NCALD: variants seen among roughly 807,000 people sequenced by gnomAD.
NCALD encodes neurocalcin delta.
In NCALD, 10 loss-of-function variants were observed where a neutral mutation model predicts 18.6. That is an observed-to-expected ratio of 0.54 (90% confidence interval 0.33 to 0.91). NCALD has a LOEUF of 0.91. Ranked by LOEUF, NCALD falls within the 40% of genes least tolerant of loss-of-function variation. The pLI is 0.03. For missense variants in NCALD, 184 were observed against 247.6 expected (o/e 0.74, Z 1.72); for synonymous variants, 88 against 87.4 (o/e 1.01, Z -0.04).
intron 2 of NCALD, among the ~76,000 whole-genome samples, chr8:102,005,500 C>T (rs962027470): frequency 2.6e-5 from 4 of 152,094 alleles, no homozygotes; most frequent in Non-Finnish European, 4.4e-5. Flanking sequence ...CTAGAAATAC[C>T]ATTTGACCCA....
intron 4 of NCALD, chr8:101,872,358 A>G (rs1273384624): frequency 6.5e-7 from 1 of 1,529,230 alleles, no homozygotes; most frequent in Non-Finnish European, 9.1e-7. Context: ...CATCCTCCTC[A>G]TTAAACTCGT....
At chr8:102,124,683 T>C (rs1826056781), upstream of NCALD, 1 of 152,458 alleles carries the variant, frequency 6.6e-6, no homozygotes, top group South Asian at 2.1e-4. Context: ...CAAGCTTCGA[T>C]TTGAGGGGGG....
chr8:101,874,645 C>A (rs1388488526), intron 4 of NCALD, among the ~76,000 whole-genome samples: 1 of 152,110 alleles, frequency 6.6e-6, no homozygotes, highest in Non-Finnish European at 1.5e-5. Flanking sequence ...TCAAGTGATC[C>A]TCCTGAACAG....
chr8:101,754,968 C>T (rs1478681242), intron 1 of NCALD, among the ~76,000 whole-genome samples: 1 of 152,224 alleles, frequency 6.6e-6, no homozygotes, highest in African/African-American at 2.4e-5. Flanking sequence ...AAAGAGCGAT[C>T]CAGACAGGTC....
At chr8:101,894,849 T>G (rs866841447) in intron 3 of NCALD, among the ~76,000 whole-genome samples, 1,754 of 140,122 alleles carry the variant, frequency 0.013, 14 homozygotes, top group African/African-American at 0.033. Flanking sequence ...AATAACAGGA[T>G]CTGAAATTGT....
intron 2 of NCALD, among the ~76,000 whole-genome samples, chr8:101,959,962 A>G (rs767391116): frequency 2.6e-5 from 4 of 151,048 alleles, no homozygotes; most frequent in Non-Finnish European, 5.9e-5. Flanking sequence ...TCCTTCCTGA[A>G]CCACCAAAGC....
chr8:101,716,905 G>C (rs950016445), intron 2 of NCALD, among the ~76,000 whole-genome samples: 3 of 152,148 alleles, frequency 2.0e-5, no homozygotes, highest in African/African-American at 7.2e-5. Flanking sequence ...TGGATGAAGA[G>C]GGCCATCGGC....
chr8:101,795,605 C>A (rs1812609969), upstream of NCALD, among the ~76,000 whole-genome samples: 2 of 152,156 alleles, frequency 1.3e-5, no homozygotes, highest in South Asian at 4.2e-4. Context: ...CCCAAAAAGG[C>A]CCACCTCCTA....
chr8:102,074,858 G>A (rs1200574982), intron 1 of NCALD, among the ~76,000 whole-genome samples: 1 of 152,162 alleles, frequency 6.6e-6, no homozygotes, highest in Non-Finnish European at 1.5e-5. Context: ...CCATTCAGCT[G>A]TGACTTTTTA....
At chr8:101,944,183 C>T (rs767008340) in intron 2 of NCALD, among the ~76,000 whole-genome samples, 18 of 152,114 alleles carry the variant, frequency 1.2e-4, no homozygotes, top group East Asian at 3.9e-4. Flanking sequence ...CTGAGGAGTT[C>T]GTCTCCTATC....
intron 1 of NCALD, among the ~76,000 whole-genome samples, chr8:101,783,916 C>G (rs1812116727): frequency 1.3e-5 from 2 of 152,182 alleles, no homozygotes; most frequent in Admixed American, 6.5e-5. Flanking sequence ...TCACAAAAGT[C>G]TATTTAATAA....
intron 4 of NCALD, among the ~76,000 whole-genome samples, chr8:101,814,678 G>C (rs1813427459): frequency 6.6e-6 from 1 of 152,012 alleles, no homozygotes; most frequent in Non-Finnish European, 1.5e-5. Flanking sequence ...ATAAAACTTT[G>C]TTTGCAGGTG....
In NCALD at chr8:102,085,887, A is replaced by G. The variant is rs141121006; in HGVS notation, c.-210+38350T>C. ...AAAGCTAAAACTCAAGTCAATTACC[A>G]TTCATCCAACTGCCTTCCATATTTC... On this transcript the variant is annotated intron_variant, in intron 1 of 6. Transcript: ENST00000311028. Among the ~76,000 whole-genome samples, 582 of 152,294 alleles carry G rather than the reference A, an allele frequency of 3.8e-3. 4 individuals are homozygous for G. The highest frequency in any genetic ancestry group is 0.013 in the African/African-American group (553 of 41,572).
At chr8:102,057,802 A>T (rs891048983) in intron 1 of NCALD, among the ~76,000 whole-genome samples, 2 of 152,134 alleles carry the variant, frequency 1.3e-5, no homozygotes, top group Non-Finnish European at 2.9e-5. Flanking sequence ...TAAGGGAAAA[A>T]TTTTTGAATA....
At chr8:101,901,669 C>T (rs541918854) in intron 3 of NCALD, among the ~76,000 whole-genome samples, 5 of 152,128 alleles carry the variant, frequency 3.3e-5, no homozygotes, top group Non-Finnish European at 7.3e-5. Context: ...TATCTACGTA[C>T]ATCAAGAACT....
chr8:101,919,620 C>T (rs146697796), intron 2 of NCALD, among the ~76,000 whole-genome samples: 1 of 151,248 alleles, frequency 6.6e-6, no homozygotes, highest in African/African-American at 2.4e-5. Flanking sequence ...AAAATATTTG[C>T]AAACTATGCA....
At chr8:101,914,369 T>G (rs1312780706) in intron 3 of NCALD, among the ~76,000 whole-genome samples, 1 of 152,232 alleles carries the variant, frequency 6.6e-6, no homozygotes, top group Admixed American at 6.5e-5. Context: ...GGGTACCTAC[T>G]ACCAATGTGA....
At chr8:102,116,777 G>C (rs1825802653) in intron 1 of NCALD, among the ~76,000 whole-genome samples, 1 of 152,050 alleles carries the variant, frequency 6.6e-6, no homozygotes, top group Admixed American at 6.6e-5. Flanking sequence ...CAAAGTGCTG[G>C]GATTACAGAC....
At chr8:101,693,586 C>G (rs963759019) in intron 2 of NCALD, 1 of 151,942 alleles carries the variant, frequency 6.6e-6, no homozygotes, top group African/African-American at 2.4e-5. Flanking sequence ...TAATAAGCTC[C>G]GGTGTGATGC....
Sources: allele counts gnomAD v4.1 joint callset (sites outside exome capture counted in the v4.1 genomes callset), GRCh38; gene constraint gnomAD v4.1.1; transcripts MANE v1.5; gene names NCBI Gene and HGNC (gene_info 2026-07-23, HGNC 2026-07-21).